ROBO2: variants seen among roughly 807,000 people sequenced by gnomAD.
ROBO2 encodes the protein roundabout homolog 2.
ROBO2 carries 53 observed loss-of-function variants against 160.8 expected under a neutral mutation model. The observed-to-expected ratio is 0.33, with a 90% CI of 0.26 to 0.41. The LOEUF is 0.41. Among genes scored for constraint, ROBO2 ranks in the 10% least tolerant of loss-of-function variants. The pLI is 1.00. For missense variants in ROBO2, 1,577 were observed against 1,722.4 expected (o/e 0.92, Z 1.49); for synonymous variants, 664 against 611.7 (o/e 1.09, Z -1.26).
intron 24 of ROBO2, among the ~76,000 whole-genome samples, chr3:77,640,708 A>G (rs1292515597): frequency 1.3e-5 from 2 of 152,236 alleles, no homozygotes; most frequent in Non-Finnish European, 1.5e-5. Context: ...AAATGAATCA[A>G]CATAGAAATG....
chr3:77,128,949 T>C (rs2075596273), intron 2 of ROBO2, among the ~76,000 whole-genome samples: 1 of 152,176 alleles, frequency 6.6e-6, no homozygotes, highest in Non-Finnish European at 1.5e-5. Flanking sequence ...GCTAATATGA[T>C]AGGTGAAAAT....
chr3:76,947,917 C>T (rs1429519427), intron 2 of ROBO2, among the ~76,000 whole-genome samples: 1 of 152,136 alleles, frequency 6.6e-6, no homozygotes, highest in African/African-American at 2.4e-5. Context: ...TCAATATTGG[C>T]TTTTATTTTC....
chr3:76,580,340 G>GT (rs2085599755), intron 2 of ROBO2, among the ~76,000 whole-genome samples: 6 of 40,880 alleles, frequency 1.5e-4, no homozygotes, highest in Admixed American at 2.7e-4. Context: ...TTTTTTTTTT[G>GT]TGTTTTTTTT....
At chr3:77,418,534 C>A (rs1169533301) in intron 2 of ROBO2, among the ~76,000 whole-genome samples, 1 of 151,374 alleles carries the variant, frequency 6.6e-6, no homozygotes, top group Admixed American at 6.6e-5. Context: ...TTTCTTTTTC[C>A]CTTGGAGATT....
intron 12 of ROBO2, among the ~76,000 whole-genome samples, chr3:77,566,035 T>C (rs1183478753): frequency 1.3e-5 from 2 of 152,128 alleles, no homozygotes; most frequent in African/African-American, 2.4e-5. Context: ...TTATTTCTTA[T>C]TTGTAAAAGA....
At chr3:76,185,757 A>T (rs35160606) in intron 2 of ROBO2, among the ~76,000 whole-genome samples, 16,756 of 152,130 alleles carry the variant, frequency 0.11, 1,205 homozygotes, top group African/African-American at 0.21. Context: ...AATTGTATTT[A>T]AAAAGTTCAC....
chr3:77,639,448 T>A lies in ROBO2; in HGVS notation c.3934+4405T>A, dbSNP rs550745143. ...AAGTATAGGTGTAGGGAGGAAGTAT[T>A]TTTAAGTAGAGTGACTGGGGAAGTC... On this transcript the variant is annotated intron_variant, in intron 24 of 25. Transcript: ENST00000461745. Among the ~76,000 whole-genome samples the A allele has an allele frequency of 3.3e-5, 5 of 152,016 alleles. No homozygotes were observed. In the East Asian group the frequency reaches 7.7e-4, roughly 24 times the overall value.
intron 2 of ROBO2, among the ~76,000 whole-genome samples, chr3:77,228,750 C>T (rs897976343): frequency 6.6e-6 from 1 of 151,822 alleles, no homozygotes; most frequent in African/African-American, 2.4e-5. Flanking sequence ...AAAAAAAAAA[C>T]TTGCAAGATT....
chr3:76,046,473 C>T (rs2067452004), intron 2 of ROBO2, among the ~76,000 whole-genome samples: 1 of 151,740 alleles, frequency 6.6e-6, no homozygotes, highest in African/African-American at 2.4e-5. Flanking sequence ...CGCGGTGAAG[C>T]CCCGTCTCTA....
chr3:76,155,992 A>AT (rs1371437998), intron 2 of ROBO2, among the ~76,000 whole-genome samples: 1 of 151,550 alleles, frequency 6.6e-6, no homozygotes, highest in African/African-American at 2.4e-5. Context: ...AGACATATTG[A>AT]TTTTACTAGG....
chr3:75,991,463 T>C (rs2065567003), intron 2 of ROBO2, among the ~76,000 whole-genome samples: 1 of 152,174 alleles, frequency 6.6e-6, no homozygotes, highest in South Asian at 2.1e-4. Flanking sequence ...GCTCTCTCTT[T>C]GCCTGTTGCC....
chr3:77,374,677 G>C, intron 2 of ROBO2, among the ~76,000 whole-genome samples: 1 of 152,088 alleles, frequency 6.6e-6, no homozygotes, highest in East Asian at 1.9e-4. Flanking sequence ...CTTTTATAGA[G>C]TTTACCATGT....
chr3:77,372,319 C>T (rs1274610523), intron 2 of ROBO2, among the ~76,000 whole-genome samples: 2 of 152,056 alleles, frequency 1.3e-5, no homozygotes, highest in Non-Finnish European at 2.9e-5. Flanking sequence ...AAATCAATAT[C>T]GTCTCTATTT....
At chr3:76,271,380 A>C (rs1303668040) in intron 2 of ROBO2, among the ~76,000 whole-genome samples, 2 of 151,812 alleles carry the variant, frequency 1.3e-5, no homozygotes, top group African/African-American at 2.4e-5. Context: ...ACTTAGGTAC[A>C]AAATGAATGA....
chr3:76,826,376 T>C (rs1576878512), intron 2 of ROBO2, among the ~76,000 whole-genome samples: 1 of 152,092 alleles, frequency 6.6e-6, no homozygotes, highest in Non-Finnish European at 1.5e-5. Flanking sequence ...GCTGCAGAGA[T>C]ATGGTTGTAG....
intron 2 of ROBO2, among the ~76,000 whole-genome samples, chr3:76,570,789 T>A (rs1335449931): frequency 2.0e-5 from 3 of 152,182 alleles, no homozygotes; most frequent in Non-Finnish European, 2.9e-5. Flanking sequence ...TTACTTAAAG[T>A]CATCCATCTA....
chr3:76,716,798 CT>C (rs1323261498), intron 2 of ROBO2, among the ~76,000 whole-genome samples: 1 of 152,152 alleles, frequency 6.6e-6, no homozygotes, highest in East Asian at 1.9e-4. Flanking sequence ...TGTAGGGTAT[CT>C]TTGAGTGCTT....
chr3:76,017,248 C>G (rs1438735346), intron 2 of ROBO2, among the ~76,000 whole-genome samples: 2 of 152,146 alleles, frequency 1.3e-5, no homozygotes, highest in Non-Finnish European at 2.9e-5. Context: ...AACAATCCCT[C>G]TAGTTATGCA....
intron 2 of ROBO2, among the ~76,000 whole-genome samples, chr3:76,920,383 T>G (rs1174426338): frequency 2.0e-5 from 3 of 152,136 alleles, no homozygotes; most frequent in Non-Finnish European, 4.4e-5. Flanking sequence ...AGAAAGGAAA[T>G]TTGGGTTAGC....
Sources: gnomAD v4.1 joint callset for allele counts (sites outside exome capture counted in the v4.1 genomes callset) on GRCh38, gnomAD v4.1.1 for gene constraint, MANE v1.5 for transcripts, NCBI Gene and HGNC (gene_info 2026-07-23, HGNC 2026-07-21) for gene names.